Variants in FLRT2 observed in about 807,000 individuals in gnomAD.
FLRT2 encodes fibronectin leucine rich transmembrane protein 2.
Under a neutral mutation model 40.0 loss-of-function variants are expected in FLRT2, and 15 were observed. The observed-to-expected ratio is 0.38, with a 90% confidence interval of 0.25 to 0.58. The LOEUF (loss-of-function observed/expected upper bound fraction) is 0.58, where lower values mean the gene tolerates loss of function less well. Among genes scored for constraint, FLRT2 ranks in the 20% least tolerant of loss-of-function variants. FLRT2 has a pLI of 0.71. For missense variants in FLRT2, 726 were observed against 840.0 expected (o/e 0.86, Z 1.68); for synonymous variants, 380 against 336.8 (o/e 1.13, Z -1.41).
chr14:85,568,857 G>A (rs891213291), intron 1 of FLRT2, among the ~76,000 whole-genome samples: 7 of 152,200 alleles, frequency 4.6e-5, no homozygotes, highest in African/African-American at 1.7e-4. Flanking sequence ...TATGTGGTAT[G>A]TAAATCATCT....
At position 85,541,985 on chromosome 14, in the gene FLRT2, T is replaced by A. The variant is rs960842085; in HGVS notation, c.-377+11451T>A. ...AATTTTAACAACTTTCCTCACACAA[T>A]TCACTTTATACATGACTCTTGGCAG... is the stretch of plus-strand genomic sequence containing the variant. On this transcript the variant is annotated intron_variant, in intron 1 of 1. Transcript: ENST00000330753. Among the ~76,000 whole-genome samples, 13 of 152,300 alleles carry A rather than the reference T, an allele frequency of 8.5e-5. No individual in the cohort carries two copies. The South Asian group carries it at 2.7e-3, about 32-fold the overall frequency.
rs1893849999 is a variant in FLRT2 at position 85,630,885 on chromosome 14, C to T, written c.*7388C>T. 5 of 151,846 alleles carry T rather than the reference C, an allele frequency of 3.3e-5. No homozygotes were observed. Among genetic ancestry groups the T allele is most frequent in the African/African-American group, 4.8e-5 (2 of 41,282 alleles). The allele number at this position is 151,846 out of a possible 1,614,324, so 9.4% of individuals were successfully genotyped here. A position where few individuals can be genotyped will look rare whatever the true frequency, so the allele number is the denominator to read the frequency against. On this transcript the variant is annotated 3_prime_UTR_variant, in exon 2 of 2. Transcript: ENST00000330753. ...TCTTTTTCTAATTTAGCCTTTCCAA[C>T]ACATTGAAGGACAAAGGGTAATCAT...
chr14:85,555,577 G>C (rs1000872727), intron 1 of FLRT2, among the ~76,000 whole-genome samples: 16 of 152,078 alleles, frequency 1.1e-4, no homozygotes, highest in Admixed American at 9.2e-4. Context: ...CTCCCACCAG[G>C]TCCCTCCCAT....
chr14:85,644,211 G>A lies in FLRT2; in HGVS notation c.*20714G>A, dbSNP rs973152114. On this transcript the variant is annotated 3_prime_UTR_variant, in exon 2 of 2. Coordinates refer to ENST00000330753, the MANE Select transcript of FLRT2 (RefSeq NM_013231.6). ...ATACAATTAATGTAAGTTTACTCAG[G>A]TGGTAATTCCAGTTGCTATGGTTGT... 2.6e-5 allele frequency: 4 copies of A among 152,066 alleles called. No homozygotes were observed. Among genetic ancestry groups the A allele is most frequent in the Non-Finnish European group, 2.9e-5 (2 of 68,028 alleles). The allele number at this position is 152,066 out of a possible 1,614,324, so 9.4% of individuals were successfully genotyped here.
At chr14:85,550,936 T>C (rs1434134597) in intron 1 of FLRT2, among the ~76,000 whole-genome samples, 2 of 152,204 alleles carry the variant, frequency 1.3e-5, no homozygotes, top group Non-Finnish European at 1.5e-5. Context: ...TTTGGTCTTA[T>C]GACAGGCATG....
At chr14:85,567,512 C>T (rs1464533463) in intron 1 of FLRT2, among the ~76,000 whole-genome samples, 1 of 152,086 alleles carries the variant, frequency 6.6e-6, no homozygotes, top group Non-Finnish European at 1.5e-5. Flanking sequence ...ATCACCCTGC[C>T]TCAGTATCTT....
At chr14:85,614,170 A>G (rs1255925862) in intron 1 of FLRT2, among the ~76,000 whole-genome samples, 1 of 152,150 alleles carries the variant, frequency 6.6e-6, no homozygotes, top group Non-Finnish European at 1.5e-5. Context: ...GAAGTGACGC[A>G]GTGTGCCCAA....
chr14:85,544,887 CT>C, intron 1 of FLRT2, among the ~76,000 whole-genome samples: 1 of 152,202 alleles, frequency 6.6e-6, no homozygotes, highest in East Asian at 1.9e-4. Flanking sequence ...CCTTCCTCCC[CT>C]TTTTTCAGCA....
rs918075041 is a variant in FLRT2, at chr14:85,634,762, G to A, written c.*11265G>A. 1.3e-5 allele frequency: 2 copies of A among 152,080 alleles called. No homozygotes were observed. Among genetic ancestry groups the A allele is most frequent in the Admixed American group, 1.3e-4 (2 of 15,256 alleles). 9.4% of individuals were successfully genotyped at this position (152,080 alleles called of 1,614,324 possible). A position where few individuals can be genotyped will look rare whatever the true frequency, so the allele number is the denominator to read the frequency against. ...GACACATATAAAGTGCTCAATAAAT[G>A]CCAGCTACTTTCTGAAAATATATGG... On this transcript the variant is annotated 3_prime_UTR_variant, in exon 2 of 2. Transcript: ENST00000330753.
At chr14:85,577,231 A>G (rs1315746084) in intron 1 of FLRT2, among the ~76,000 whole-genome samples, 1 of 152,208 alleles carries the variant, frequency 6.6e-6, no homozygotes, top group East Asian at 1.9e-4. Flanking sequence ...ATTTGAGTAG[A>G]AAACTACAAA....
In FLRT2 at chr14:85,537,845, GT is replaced by G. The variant is rs55897031; in HGVS notation, c.-377+7323del. 4.0e-3 allele frequency among the ~76,000 whole-genome samples: 586 copies of G among 146,528 alleles called. 7 individuals are homozygous for G. Among genetic ancestry groups the G allele is most frequent in the African/African-American group, 0.014 (566 of 40,008 alleles). ...AAATCTGTTAGAACCTTCATGTTTT[GT>G]TTTTTTTTTTTCTTCCTTAGCGAAT... On this transcript the variant is annotated intron_variant, in intron 1 of 1. Transcript: ENST00000330753.
Position 85,634,708 on chromosome 14 carries a change from C to T in FLRT2, c.*11211C>T, listed in dbSNP as rs1404084157. ...TACATGGGTTAATAACAACACTCAC[C>T]TCAACAGTAACCATACTGCACAGTG... On this transcript the variant is annotated 3_prime_UTR_variant, in exon 2 of 2. Transcript: ENST00000330753. The T allele has an allele frequency of 6.6e-6, 1 of 152,152 alleles. No individual in the cohort carries two copies. Among genetic ancestry groups the T allele is most frequent in the Non-Finnish European group, 1.5e-5 (1 of 68,038 alleles). The allele number at this position is 152,152 out of a possible 1,614,324, so 9.4% of individuals were successfully genotyped here.
chr14:85,559,040 A>G (rs950470118), intron 1 of FLRT2, among the ~76,000 whole-genome samples: 1 of 152,256 alleles, frequency 6.6e-6, no homozygotes, highest in Non-Finnish European at 1.5e-5. Flanking sequence ...ATAGAAGCAC[A>G]TGTGTACACA....
chr14:85,599,029 T>A (rs1892264209), intron 1 of FLRT2, among the ~76,000 whole-genome samples: 1 of 149,734 alleles, frequency 6.7e-6, no homozygotes, highest in African/African-American at 2.5e-5. Flanking sequence ...CCCATTGTCC[T>A]GCCTCAGCCT....
intron 1 of FLRT2, among the ~76,000 whole-genome samples, chr14:85,586,209 A>ATCATTTTATCT (rs1430526981): frequency 6.6e-6 from 1 of 151,152 alleles, no homozygotes; most frequent in Non-Finnish European, 1.5e-5. Flanking sequence ...TTTTATCTTT[A>ATCATTTTATCT]TCATTTTATC....
At chr14:85,578,117 T>G in intron 1 of FLRT2, among the ~76,000 whole-genome samples, 1 of 145,908 alleles carries the variant, frequency 6.9e-6, no homozygotes, top group African/African-American at 2.5e-5. Flanking sequence ...TATTTATATA[T>G]ATAAAAATAT....
chr14:85,559,075 C>A (rs1566727279), intron 1 of FLRT2, among the ~76,000 whole-genome samples: 1 of 152,324 alleles, frequency 6.6e-6, no homozygotes, highest in East Asian at 1.9e-4. Flanking sequence ...TGCATGTGTA[C>A]ACATACATCA....
chr14:85,638,259 A>G lies in FLRT2; in HGVS notation c.*14762A>G, dbSNP rs1471708713. The G allele has an allele frequency of 1.3e-5, 2 of 152,304 alleles. No individual in the cohort carries two copies. The highest frequency in any genetic ancestry group is 1.9e-4 in the East Asian group (1 of 5,170). The allele number at this position is 152,304 out of a possible 1,614,324, so 9.4% of individuals were successfully genotyped here. On this transcript the variant is annotated 3_prime_UTR_variant, in exon 2 of 2. Transcript: ENST00000330753. Reference sequence around the variant, plus strand: ...TTGGAAGTGCTCTGGTTCTATTGGCAGAGATCCTTGCTGTTAGCCTCTTGC... The same window carrying G: ...TTGGAAGTGCTCTGGTTCTATTGGCGGAGATCCTTGCTGTTAGCCTCTTGC...
intron 1 of FLRT2, among the ~76,000 whole-genome samples, chr14:85,559,617 G>A (rs150671875): frequency 1.2e-4 from 18 of 152,086 alleles, no homozygotes; most frequent in East Asian, 7.7e-4. Flanking sequence ...ATGATTATAC[G>A]TTGTCTATAA....
Sources: gnomAD v4.1 joint callset for allele counts (sites outside exome capture counted in the v4.1 genomes callset) on GRCh38, gnomAD v4.1.1 for gene constraint, MANE v1.5 for transcripts, NCBI Gene and HGNC (gene_info 2026-07-23, HGNC 2026-07-21) for gene names.